Variants in EDN1 observed in about 807,000 individuals in gnomAD.
The protein encoded by EDN1 is endothelin-1.
Under a neutral mutation model 21.7 loss-of-function variants are expected in EDN1, and 11 were observed. The observed-to-expected ratio is 0.51, with a 90% CI of 0.32 to 0.84. The LOEUF (loss-of-function observed/expected upper bound fraction) is 0.84. Ranked by LOEUF, EDN1 falls within the 40% of genes least tolerant of loss-of-function variation. The pLI, the probability that EDN1 is intolerant of heterozygous loss-of-function variation, is 0.03. For synonymous variants in EDN1, 85 were observed against 90.6 expected (o/e 0.94, Z 0.35); for missense variants, 244 against 262.3 (o/e 0.93, Z 0.48).
In EDN1 at chr6:12,297,156, T is replaced by A. The variant is rs1762845636; in HGVS notation, c.*1089T>A. On this transcript the variant is annotated 3_prime_UTR_variant, in exon 5 of 5. Coordinates refer to ENST00000379375, the MANE Select transcript of EDN1 (RefSeq NM_001955.5). Reference sequence around the variant, plus strand: ...ACATGCTTTGTTTTGCCTGTCAAGGTAATGACTTTAGAAAATAAATATTTT... The same window carrying A: ...ACATGCTTTGTTTTGCCTGTCAAGGAAATGACTTTAGAAAATAAATATTTT... 6.6e-6 allele frequency: 1 copy of A among 152,220 alleles called. No homozygotes were observed. The highest frequency in any genetic ancestry group is 2.1e-4 in the South Asian group (1 of 4,824). 9.4% of individuals were successfully genotyped at this position (152,220 alleles called of 1,614,324 possible).
At chr6:12,268,358 C>T in the EDN1 span, among the ~76,000 whole-genome samples, 1 of 152,076 alleles carries the variant, frequency 6.6e-6, no homozygotes, top group African/African-American at 2.4e-5. Flanking sequence ...TCTTTTGTTG[C>T]CTATGCTTTT....
the EDN1 span, among the ~76,000 whole-genome samples, chr6:12,284,179 G>C: frequency 5.3e-5 from 8 of 152,282 alleles, no homozygotes; most frequent in East Asian, 1.5e-3. Flanking sequence ...TGCACATCAC[G>C]TTAGAGAAAA....
chr6:12,262,114 A>G, the EDN1 span, among the ~76,000 whole-genome samples: 1 of 152,238 alleles, frequency 6.6e-6, no homozygotes, highest in African/African-American at 2.4e-5. Context: ...CCATAGGCCT[A>G]TCAGCATTTT....
chr6:12,286,054 A>T (rs77737505), upstream of EDN1, among the ~76,000 whole-genome samples: 597 of 152,350 alleles, frequency 3.9e-3, 2 homozygotes, highest in African/African-American at 0.014. Flanking sequence ...AAAATTATTC[A>T]TGTAAAAGAA....
At chr6:12,264,269 G>C in the EDN1 span, among the ~76,000 whole-genome samples, 1 of 152,144 alleles carries the variant, frequency 6.6e-6, no homozygotes, top group African/African-American at 2.4e-5. Flanking sequence ...AGCAACTCTG[G>C]CTTGAATCTT....
At chr6:12,245,172 C>CT in the EDN1 span, among the ~76,000 whole-genome samples, 1 of 152,088 alleles carries the variant, frequency 6.6e-6, no homozygotes, top group Non-Finnish European at 1.5e-5. Flanking sequence ...TTTTCAGCAG[C>CT]TTTTTTCCTA....
chr6:12,290,689 A>C lies in EDN1; in HGVS notation c.60A>C (p.Glu20Asp). 1.2e-6 allele frequency: 2 copies of C among 1,613,682 alleles called. No individual in the cohort carries two copies. Among genetic ancestry groups the C allele is most frequent in the Non-Finnish European group, 1.7e-6 (2 of 1,179,578 alleles). ...TTGTGGCTTGCCAAGGAGCTCCAGA[A>C]ACAGGTAGGCACGCTCGTTGACTTG... is the stretch of plus-strand genomic sequence containing the variant. ...LLFVACQGAP[E>D]TAVLGAELSA... Residue 20 changes from glutamate (E) to aspartate (D), a missense_variant, in exon 1 of 5, where the codon GAA becomes GAC. Coordinates refer to ENST00000379375, the MANE Select transcript of EDN1 (RefSeq NM_001955.5).
the EDN1 span, among the ~76,000 whole-genome samples, chr6:12,257,062 A>T: frequency 0.01 from 1,584 of 152,290 alleles, 34 homozygotes; most frequent in African/African-American, 0.037. Flanking sequence ...AAAATGAGGA[A>T]CCAAAAACAC....
At chr6:12,262,894 C>A in the EDN1 span, among the ~76,000 whole-genome samples, 2 of 144,558 alleles carry the variant, frequency 1.4e-5, no homozygotes, top group Non-Finnish European at 3.0e-5. Flanking sequence ...AAAAAAAATT[C>A]AATTAACCAC....
At chr6:12,238,271 G>C in the EDN1 span, among the ~76,000 whole-genome samples, 104 of 152,052 alleles carry the variant, frequency 6.8e-4, no homozygotes, top group Admixed American at 1.2e-3. Flanking sequence ...GGGAGTTTGG[G>C]CTTGAGGGGA....
chr6:12,282,145 G>C, the EDN1 span, among the ~76,000 whole-genome samples: 1 of 152,116 alleles, frequency 6.6e-6, no homozygotes, highest in African/African-American at 2.4e-5. Flanking sequence ...CCATTTTGTT[G>C]GATCCAAGTC....
upstream of EDN1, among the ~76,000 whole-genome samples, chr6:12,288,205 C>T (rs1762596275): frequency 6.6e-6 from 1 of 151,338 alleles, no homozygotes; most frequent in South Asian, 2.1e-4. Flanking sequence ...TTGGTCCTGA[C>T]TGTTGTCAGT....
the EDN1 span, among the ~76,000 whole-genome samples, chr6:12,237,936 G>A: frequency 6.6e-6 from 1 of 151,966 alleles, no homozygotes; most frequent in African/African-American, 2.4e-5. Context: ...TTGGGAGGCC[G>A]AGGTGGGAGG....
At chr6:12,275,694 C>T in the EDN1 span, among the ~76,000 whole-genome samples, 1 of 151,966 alleles carries the variant, frequency 6.6e-6, no homozygotes, top group African/African-American at 2.4e-5. Flanking sequence ...TTGTAGGGGA[C>T]ATTTTATGGG....
the EDN1 span, among the ~76,000 whole-genome samples, chr6:12,269,842 A>G: frequency 6.6e-6 from 1 of 151,902 alleles, no homozygotes; most frequent in Non-Finnish European, 1.5e-5. Context: ...TGGAAGAATT[A>G]CCTCCTTTTC....
chr6:12,285,718 G>A (rs1229302010), upstream of EDN1, among the ~76,000 whole-genome samples: 1 of 152,090 alleles, frequency 6.6e-6, no homozygotes, highest in Non-Finnish European at 1.5e-5. Flanking sequence ...TTACAGGCAT[G>A]CGCCACCATG....
chr6:12,266,780 AT>A, the EDN1 span, among the ~76,000 whole-genome samples: 731 of 152,304 alleles, frequency 4.8e-3, 1 homozygote, highest in African/African-American at 0.017. Flanking sequence ...AGCATGACTC[AT>A]TCGTCAAACC....
At chr6:12,234,804 T>A in the EDN1 span, among the ~76,000 whole-genome samples, 1 of 152,318 alleles carries the variant, frequency 6.6e-6, no homozygotes, top group East Asian at 1.9e-4. Context: ...ACTTCATTGG[T>A]GTCCATGGAC....
At chr6:12,286,863 C>A (rs1271629279), upstream of EDN1, among the ~76,000 whole-genome samples, 1 of 152,180 alleles carries the variant, frequency 6.6e-6, no homozygotes, top group Non-Finnish European at 1.5e-5. Flanking sequence ...CCTGTAATCA[C>A]AGCACTGTGG....
Sources: allele counts gnomAD v4.1 joint callset (sites outside exome capture counted in the v4.1 genomes callset), GRCh38; gene constraint gnomAD v4.1.1; transcripts MANE v1.5; gene names NCBI Gene and HGNC (gene_info 2026-07-23, HGNC 2026-07-21).